The following WDR27 variants were observed in gnomAD, a reference collection of about 807,000 sequenced individuals.
The protein encoded by WDR27 is WD repeat domain 27.
WDR27 carries 100 observed loss-of-function variants against 114.4 expected under a neutral mutation model. The observed-to-expected ratio is 0.87, with a 90% CI of 0.74 to 1.03. WDR27 has a LOEUF of 1.03. Among genes scored for constraint, WDR27 ranks in the 50% least tolerant of loss-of-function variants. WDR27 has a pLI of 0.00. For synonymous variants in WDR27, 449 were observed against 423.1 expected (o/e 1.06, Z -0.75); for missense variants, 1,129 against 1,092.9 (o/e 1.03, Z -0.47).
At chr6:169,674,265 A>G (rs756599286) in intron 2 of WDR27, among the ~76,000 whole-genome samples, 6 of 152,262 alleles carry the variant, frequency 3.9e-5, no homozygotes, top group African/African-American at 7.2e-5. Context: ...AGTCATCCAG[A>G]TAAGACTTGA....
intron 23 of WDR27, among the ~76,000 whole-genome samples, chr6:169,595,921 T>C (rs1005862609): frequency 6.6e-6 from 1 of 152,048 alleles, no homozygotes; most frequent in Admixed American, 6.5e-5. Context: ...TCTTTTTGAG[T>C]AAGTAAAATA....
intron 25 of WDR27, among the ~76,000 whole-genome samples, chr6:169,545,458 G>A (rs528172550): frequency 6.6e-6 from 1 of 152,310 alleles, no homozygotes; most frequent in Non-Finnish European, 1.5e-5. Context: ...CACTTTGGGA[G>A]GCCAAAGCGG....
intron 25 of WDR27, among the ~76,000 whole-genome samples, chr6:169,484,566 G>A (rs993103596): frequency 1.3e-5 from 2 of 152,140 alleles, no homozygotes; most frequent in Admixed American, 6.5e-5. Context: ...TGGATAGGAA[G>A]AATCAATATC....
rs547377452 is a variant in WDR27, at chr6:169,701,980, G to A, written c.-437C>T. On this transcript the variant is annotated 5_prime_UTR_variant, in exon 1 of 26. Coordinates refer to ENST00000448612, the MANE Select transcript of WDR27 (RefSeq NM_182552.5). Reference sequence around the variant, plus strand: ...ACTACCGAGCCACACTCCGCCCCACGCTCGCCGCTATGGTTACTTGCCAGC... The same window carrying A: ...ACTACCGAGCCACACTCCGCCCCACACTCGCCGCTATGGTTACTTGCCAGC... 3.5e-4 allele frequency: 139 copies of A among 397,214 alleles called. 1 individual carries two copies. The highest frequency in any genetic ancestry group is 2.5e-3 in the South Asian group (136 of 55,254). 24.6% of individuals were successfully genotyped at this position (397,214 alleles called of 1,614,324 possible).
chr6:169,629,516 AAG>A (rs1410406241), intron 21 of WDR27, among the ~76,000 whole-genome samples: 4 of 152,248 alleles, frequency 2.6e-5, no homozygotes, highest in Non-Finnish European at 5.9e-5. Context: ...CACCTTTAAT[AAG>A]AGTCATGCAC....
intron 25 of WDR27, among the ~76,000 whole-genome samples, chr6:169,546,995 C>T (rs1308453002): frequency 6.6e-6 from 1 of 152,028 alleles, no homozygotes; most frequent in African/African-American, 2.4e-5. Flanking sequence ...AAAGAGGGGA[C>T]ACCACAAGTA....
intron 21 of WDR27, among the ~76,000 whole-genome samples, chr6:169,631,478 T>C (rs931011200): frequency 6.6e-6 from 1 of 152,100 alleles, no homozygotes; most frequent in Admixed American, 6.6e-5. Context: ...TGTCGGAGCC[T>C]TTAAACCCTC....
At chr6:169,686,462 T>C (rs1021138106) in intron 2 of WDR27, among the ~76,000 whole-genome samples, 77 of 152,220 alleles carry the variant, frequency 5.1e-4, no homozygotes, top group Non-Finnish European at 1.0e-3. Context: ...TTAAAAGATA[T>C]AGACTGGCTG....
chr6:169,613,734 T>C (rs765148774), intron 21 of WDR27, 78 bp from the exon 22 acceptor site: 47 of 1,243,650 alleles, frequency 3.8e-5, no homozygotes, highest in Middle Eastern at 3.9e-4. Context: ...TATCTCATAA[T>C]AGCTGATTCT....
At chr6:169,601,813 T>C (rs1808043355) in intron 23 of WDR27, among the ~76,000 whole-genome samples, 1 of 152,236 alleles carries the variant, frequency 6.6e-6, no homozygotes, top group South Asian at 2.1e-4. Flanking sequence ...GGCAGTTCCA[T>C]TAATATAAGC....
At chr6:169,637,584 T>C (rs1413459795) in intron 18 of WDR27, among the ~76,000 whole-genome samples, 1 of 152,202 alleles carries the variant, frequency 6.6e-6, no homozygotes, top group Non-Finnish European at 1.5e-5. Flanking sequence ...TAAGCGTGCA[T>C]ATGTGTATGC....
At chr6:169,586,096 G>A (rs1377233828) in intron 23 of WDR27, among the ~76,000 whole-genome samples, 1 of 152,102 alleles carries the variant, frequency 6.6e-6, no homozygotes, top group East Asian at 1.9e-4. Flanking sequence ...CTTCTTCCAT[G>A]TCTTCTTCCT....
At chr6:169,667,245 G>C in intron 5 of WDR27, 58 bp from the exon 6 acceptor site, 1 of 1,431,482 alleles carries the variant, frequency 7.0e-7, no homozygotes, top group Non-Finnish European at 9.1e-7. Flanking sequence ...TATTGCAACA[G>C]GTGAAGCTAA....
At chr6:169,561,262 G>A (rs1799637301) in intron 25 of WDR27, among the ~76,000 whole-genome samples, 1 of 152,034 alleles carries the variant, frequency 6.6e-6, no homozygotes, top group Admixed American at 6.6e-5. Flanking sequence ...TTTTATGGGG[G>A]CATTAATTCC....
chr6:169,558,162 G>A (rs920668834), intron 25 of WDR27, among the ~76,000 whole-genome samples: 11 of 151,818 alleles, frequency 7.2e-5, no homozygotes, highest in Non-Finnish European at 2.9e-5. Context: ...AAGCAGCGAT[G>A]GCTTCTGCAC....
intron 25 of WDR27, among the ~76,000 whole-genome samples, chr6:169,552,614 C>T (rs1798302727): frequency 1.3e-5 from 2 of 152,190 alleles, no homozygotes; most frequent in African/African-American, 2.4e-5. Flanking sequence ...AGGCAAGATT[C>T]ATGCCAGGTT....
intron 25 of WDR27, among the ~76,000 whole-genome samples, chr6:169,538,087 C>T (rs890628029): frequency 1.3e-5 from 2 of 152,018 alleles, no homozygotes; most frequent in South Asian, 4.2e-4. Flanking sequence ...ACAACTGGGG[C>T]AGCTAGGCTA....
At chr6:169,621,647 T>C (rs1311142518) in intron 21 of WDR27, among the ~76,000 whole-genome samples, 1 of 140,012 alleles carries the variant, frequency 7.1e-6, no homozygotes, top group Non-Finnish European at 1.5e-5. Context: ...TGCATATACA[T>C]ACCCACACAT....
rs187251685 is a variant in WDR27, at chr6:169,623,354, T to C, written c.2223+9593A>G. 8.3e-4 allele frequency among the ~76,000 whole-genome samples: 127 copies of C among 152,332 alleles called. 1 individual carries two copies. Among genetic ancestry groups the C allele is most frequent in the African/African-American group, 3.0e-3 (125 of 41,566 alleles). ...ACCCCCAGATTCCTGGGGAGACTGA[T>C]TGGAGTCATAATAAAACTCCAGTCT... On this transcript the variant is annotated intron_variant, in intron 21 of 25. Transcript: ENST00000448612.
Sources: allele counts gnomAD v4.1 joint callset (sites outside exome capture counted in the v4.1 genomes callset), GRCh38; gene constraint gnomAD v4.1.1; transcripts MANE v1.5; gene names NCBI Gene and HGNC (gene_info 2026-07-23, HGNC 2026-07-21).